Variants in SPRYD7 observed in about 807,000 individuals in gnomAD.
SPRYD7 encodes the protein SPRY domain containing 7, also known as SPRY domain-containing protein 7.
Under a neutral mutation model 23.8 loss-of-function variants are expected in SPRYD7, and 14 were observed. The observed-to-expected ratio is 0.59, with a 90% confidence interval of 0.39 to 0.92. The LOEUF (loss-of-function observed/expected upper bound fraction) is 0.92. Ranked by LOEUF, SPRYD7 falls within the 40% of genes least tolerant of loss-of-function variation. The pLI, the probability that SPRYD7 is intolerant of heterozygous loss-of-function variation, is 0.00. For synonymous variants in SPRYD7, 75 were observed against 84.9 expected, an observed-to-expected ratio of 0.88 and a Z score of 0.64; for missense variants, 194 against 241.7, an observed-to-expected ratio of 0.80 and a Z score of 1.31.
intron 3 of SPRYD7, 125 bp downstream of exon 3, chr13:49,927,794 T>C: frequency 1.0e-6 from 1 of 956,132 alleles, no homozygotes; most frequent in Non-Finnish European, 1.6e-6. Context: ...AAATGCACCA[T>C]CTCATTAGAT....
intron 4 of SPRYD7, among the ~76,000 whole-genome samples, chr13:49,917,053 T>G (rs1460332402): frequency 6.6e-6 from 1 of 152,204 alleles, no homozygotes; most frequent in Non-Finnish European, 1.5e-5. Flanking sequence ...TGAAAATTAT[T>G]GAGAGCTCAG....
intron 4 of SPRYD7, among the ~76,000 whole-genome samples, chr13:49,918,962 G>A (rs1268833645): frequency 2.7e-5 from 4 of 150,936 alleles, no homozygotes; most frequent in Non-Finnish European, 5.9e-5. Context: ...GTGATCCACC[G>A]GCTTCGGCCT....
chr13:49,928,406 C>T (rs909777482), intron 2 of SPRYD7, among the ~76,000 whole-genome samples: 92 of 152,270 alleles, frequency 6.0e-4, no homozygotes, highest in African/African-American at 2.1e-3. Context: ...CATTCCACTG[C>T]ACTCCAGCCT....
Position 49,936,125 on chromosome 13 carries a change from CT to C in SPRYD7, c.106+4del. 1 of 1,592,460 alleles carries C rather than the reference CT, an allele frequency of 6.3e-7. No homozygotes were observed. On this transcript the variant is annotated splice_donor_region_variant and intron_variant, in intron 1 of 4. Transcript: ENST00000361840. ...CGTTGGGTCTGGGGAAGGGAGGGCCCTTACCCATGTGCTGCGTGTCCAGCTG... is the reference window on the plus strand; with the variant it reads ...CGTTGGGTCTGGGGAAGGGAGGGCCCTACCCATGTGCTGCGTGTCCAGCTG...
At chr13:49,932,088 A>G (rs1871407714) in intron 1 of SPRYD7, among the ~76,000 whole-genome samples, 1 of 152,216 alleles carries the variant, frequency 6.6e-6, no homozygotes, top group African/African-American at 2.4e-5. Context: ...TTAAACCAAA[A>G]CATAAACACA....
intron 3 of SPRYD7, among the ~76,000 whole-genome samples, chr13:49,927,125 A>G (rs1396569372): frequency 6.6e-6 from 1 of 152,206 alleles, no homozygotes; most frequent in Non-Finnish European, 1.5e-5. Flanking sequence ...GAGTTTAATT[A>G]GGTTAAGTTT....
intron 3 of SPRYD7, among the ~76,000 whole-genome samples, chr13:49,924,681 A>C (rs190495309): frequency 2.4e-3 from 358 of 152,124 alleles, no homozygotes; most frequent in Non-Finnish European, 4.0e-3. Context: ...GGGGATAATA[A>C]TACTACTACC....
rs1423731530 is a variant in SPRYD7, at chr13:49,915,016, A to G, written c.*47T>C. 2.8e-6 allele frequency: 3 copies of G among 1,075,612 alleles called. No homozygotes were observed. Among genetic ancestry groups the G allele is most frequent in the Non-Finnish European group, 2.7e-6 (2 of 737,486 alleles). 66.6% of individuals were successfully genotyped at this position (1,075,612 alleles called of 1,614,324 possible). ...CCAGGTAAAGTTTTATTAAATGATG[A>G]ACATTTTTTAACAGTGCAGAAATAC... On this transcript the variant is annotated 3_prime_UTR_variant, in exon 5 of 5. Coordinates refer to ENST00000361840, the MANE Select transcript of SPRYD7 (RefSeq NM_020456.4).
intron 4 of SPRYD7, among the ~76,000 whole-genome samples, chr13:49,918,140 G>A (rs1955772992): frequency 6.6e-6 from 1 of 152,074 alleles, no homozygotes; most frequent in African/African-American, 2.4e-5. Context: ...ACTGCTCACA[G>A]GAGACTTGAC....
intron 3 of SPRYD7, among the ~76,000 whole-genome samples, chr13:49,926,836 G>C (rs1221096760): frequency 6.6e-6 from 1 of 152,098 alleles, no homozygotes; most frequent in African/African-American, 2.4e-5. Flanking sequence ...GGGCACCTCG[G>C]CTGAAGGAGA....
chr13:49,934,858 T>C (rs1871543644), intron 1 of SPRYD7, among the ~76,000 whole-genome samples: 1 of 152,242 alleles, frequency 6.6e-6, no homozygotes, highest in Non-Finnish European at 1.5e-5. Context: ...TCCTTCACTA[T>C]ATTCTCAGCA....
chr13:49,924,976 C>CA (rs1227471302), intron 3 of SPRYD7, among the ~76,000 whole-genome samples: 1,017 of 94,098 alleles, frequency 0.011, 22 homozygotes, highest in African/African-American at 0.036. Flanking sequence ...AACTCCATCT[C>CA]AAAAAAAAAA....
intron 4 of SPRYD7, among the ~76,000 whole-genome samples, chr13:49,916,399 G>GAAGT (rs1205639489): frequency 6.6e-6 from 1 of 152,044 alleles, no homozygotes; most frequent in African/African-American, 2.4e-5. Flanking sequence ...TGACATTCAT[G>GAAGT]AAGTCACCAG....
intron 3 of SPRYD7, among the ~76,000 whole-genome samples, chr13:49,924,931 G>A (rs1465323832): frequency 1.3e-5 from 2 of 148,372 alleles, no homozygotes; most frequent in Non-Finnish European, 3.0e-5. Flanking sequence ...AGCCGAGACT[G>A]CATCATTGCA....
chr13:49,932,970 T>C (rs1871447951), intron 1 of SPRYD7, among the ~76,000 whole-genome samples: 2 of 152,324 alleles, frequency 1.3e-5, no homozygotes, highest in East Asian at 3.9e-4. Flanking sequence ...TAATTTCAAC[T>C]GGAGAGCATC....
chr13:49,936,207 C>G lies in SPRYD7; in HGVS notation c.29G>C (p.Arg10Pro). 1 of 1,607,724 alleles carries G rather than the reference C, an allele frequency of 6.2e-7. No individual in the cohort carries two copies. The highest frequency in any genetic ancestry group is 8.5e-7 in the Non-Finnish European group (1 of 1,178,430). Residue 10 changes from arginine to proline, a missense_variant, in exon 1 of 5, where the codon CGG becomes CCG. By Grantham distance (103) the Arg-to-Pro change is moderately radical. Transcript: ENST00000361840. The stretch of plus-strand genomic sequence containing the variant: ...GCCAGTCCCCCCGTCTCTGCAGCAC[C>G]GCAGGCAGCACAACACCGAGGTGGC... MATSVLCCLRCCRDGGTGHI... is the reference protein window; with the variant it reads MATSVLCCLPCCRDGGTGHI...
chr13:49,919,466 C>T (rs760333678), intron 4 of SPRYD7, among the ~76,000 whole-genome samples: 13 of 152,096 alleles, frequency 8.5e-5, no homozygotes, highest in Admixed American at 2.6e-4. Flanking sequence ...ATCGCTTGAA[C>T]CTGGGAGGCG....
chr13:49,920,255 C>G (rs1219378114), intron 4 of SPRYD7, among the ~76,000 whole-genome samples: 3 of 98,044 alleles, frequency 3.1e-5, no homozygotes, highest in African/African-American at 1.1e-4. Context: ...TGTCGCAAAA[C>G]AAAACAAAAC....
chr13:49,929,549 G>A (rs562542772), intron 2 of SPRYD7, among the ~76,000 whole-genome samples: 93 of 152,208 alleles, frequency 6.1e-4, no homozygotes, highest in African/African-American at 2.0e-3. Flanking sequence ...AGGCTGGAGC[G>A]CAGTGGCACG....
Sources: gnomAD v4.1 joint callset for allele counts (sites outside exome capture counted in the v4.1 genomes callset) on GRCh38, gnomAD v4.1.1 for gene constraint, MANE v1.5 for transcripts, NCBI Gene and HGNC (gene_info 2026-07-23, HGNC 2026-07-21) for gene names.